Variants in KCTD14 observed in about 807,000 individuals in gnomAD.
KCTD14 encodes BTB/POZ domain-containing protein KCTD14.
KCTD14 carries 7 observed loss-of-function variants against 5.9 expected under a neutral mutation model. The observed-to-expected ratio is 1.19, with a 90% CI of 0.68 to 2.23. The LOEUF is 2.23. Ranked by LOEUF, KCTD14 falls within the 30% of genes most tolerant of loss-of-function variation. The pLI, the probability that KCTD14 is intolerant of heterozygous loss-of-function variation, is 0.00. For synonymous variants in KCTD14, 140 were observed against 133.1 expected (o/e 1.05, Z -0.36); for missense variants, 342 against 332.2 (o/e 1.03, Z -0.23).
chr11:78,018,072 G>C (rs958701077), intron 1 of KCTD14, among the ~76,000 whole-genome samples: 1 of 152,120 alleles, frequency 6.6e-6, no homozygotes, highest in African/African-American at 2.4e-5. Context: ...ACTCCAGCCT[G>C]GGTGACAGAG....
chr11:78,044,529 C>T (rs1858080163), intron 1 of KCTD14, among the ~76,000 whole-genome samples: 1 of 152,112 alleles, frequency 6.6e-6, no homozygotes, highest in Admixed American at 6.5e-5. Context: ...TTCACTGAGA[C>T]CACGCAGCAT....
At chr11:78,024,426 AC>A (rs1359611738), upstream of KCTD14, among the ~76,000 whole-genome samples, 2 of 54,932 alleles carry the variant, frequency 3.6e-5, no homozygotes, top group African/African-American at 9.4e-5. Flanking sequence ...ACACACACAC[AC>A]ACACACACAC....
At chr11:78,043,911 T>G (rs780882479) in intron 1 of KCTD14, among the ~76,000 whole-genome samples, 7 of 152,120 alleles carry the variant, frequency 4.6e-5, no homozygotes, top group Non-Finnish European at 8.8e-5. Flanking sequence ...ATGAAGACTT[T>G]CCAGTAGGCT....
chr11:78,020,520 T>C (rs1251805729), intron 1 of KCTD14, among the ~76,000 whole-genome samples: 1 of 152,234 alleles, frequency 6.6e-6, no homozygotes, highest in East Asian at 1.9e-4. Flanking sequence ...CTCTGATTCT[T>C]TCTCCCATAA....
chr11:78,037,247 G>A (rs764083442), intron 2 of KCTD14, among the ~76,000 whole-genome samples: 2 of 152,202 alleles, frequency 1.3e-5, no homozygotes, highest in Non-Finnish European at 2.9e-5. Context: ...CAGACCTCGT[G>A]GGCACACGCC....
At position 78,016,865 on chromosome 11, in the gene KCTD14, A is replaced by C; in HGVS notation, c.496T>G (p.Ser166Ala). ...ARAEAITARK[S>A]SVLVCLVETE... is the part of the protein sequence containing the mutation. ...TCCACCAGGCACACAAGCACGCTGG[A>C]CTTCCGTGCTGTTATGGCTTCTGCA... is the stretch of plus-strand genomic sequence containing the variant. The change falls in exon 2 of 2, where the codon TCC becomes GCC. Residue 166 changes from serine to alanine, a missense_variant. Physicochemically the swap from Ser to Ala is moderately conservative, Grantham distance 99. Transcript: ENST00000353172. 2 of 1,614,174 alleles carry C rather than the reference A, an allele frequency of 1.2e-6. No homozygotes were observed. Among genetic ancestry groups the C allele is most frequent in the Non-Finnish European group, 1.7e-6 (2 of 1,180,016 alleles).
upstream of KCTD14, among the ~76,000 whole-genome samples, chr11:78,026,758 G>T (rs533764640): frequency 1.3e-5 from 2 of 152,236 alleles, no homozygotes; most frequent in South Asian, 4.2e-4. Flanking sequence ...AGTGGAATGA[G>T]ATCCTGTCTC....
upstream of KCTD14, among the ~76,000 whole-genome samples, chr11:78,027,462 A>G (rs1565312867): frequency 6.6e-6 from 1 of 151,792 alleles, no homozygotes; most frequent in South Asian, 2.1e-4. Context: ...TCCCAAGTTC[A>G]AGCAATTCTC....
intron 2 of KCTD14, among the ~76,000 whole-genome samples, chr11:78,037,345 C>T (rs930510749): frequency 2.0e-5 from 3 of 152,222 alleles, no homozygotes; most frequent in African/African-American, 7.2e-5. Flanking sequence ...TCCACAAACA[C>T]TGTTTCTGGG....
chr11:78,019,995 C>G (rs1457069741), intron 1 of KCTD14, among the ~76,000 whole-genome samples: 1 of 152,180 alleles, frequency 6.6e-6, no homozygotes, highest in Admixed American at 6.5e-5. Context: ...GTATGTTGGG[C>G]CTATTACATG....
chr11:78,025,920 T>C (rs142599335), upstream of KCTD14, among the ~76,000 whole-genome samples: 4 of 152,310 alleles, frequency 2.6e-5, no homozygotes, highest in African/African-American at 9.6e-5. Flanking sequence ...AACTGATCAA[T>C]ACTACTCCAG....
At chr11:78,039,419 C>G (rs1304718644) in intron 1 of KCTD14, among the ~76,000 whole-genome samples, 2 of 151,828 alleles carry the variant, frequency 1.3e-5, no homozygotes, top group African/African-American at 4.8e-5. Context: ...ATCCCAGCTA[C>G]TCAGGAGGCT....
At chr11:78,030,173 C>G (rs889810425) in intron 2 of KCTD14, among the ~76,000 whole-genome samples, 2 of 152,070 alleles carry the variant, frequency 1.3e-5, no homozygotes, top group African/African-American at 4.8e-5. Context: ...TTTTTTCCCC[C>G]CCTCCAATTG....
At chr11:78,043,791 C>T (rs1281515378) in intron 1 of KCTD14, among the ~76,000 whole-genome samples, 1 of 152,232 alleles carries the variant, frequency 6.6e-6, no homozygotes, top group Non-Finnish European at 1.5e-5. Flanking sequence ...ACTCAGGGAA[C>T]TGATGGCAGC....
At chr11:78,027,537 A>G (rs1857501194), upstream of KCTD14, among the ~76,000 whole-genome samples, 1 of 151,944 alleles carries the variant, frequency 6.6e-6, no homozygotes, top group Non-Finnish European at 1.5e-5. Flanking sequence ...TAATTTTTGT[A>G]TTTTTAGTAG....
chr11:78,034,516 G>C (rs1857732157), intron 2 of KCTD14, among the ~76,000 whole-genome samples: 2 of 151,566 alleles, frequency 1.3e-5, no homozygotes. Flanking sequence ...CAAACACTCT[G>C]TATGGGTGTT....
chr11:78,017,923 C>T (rs1857214475), intron 1 of KCTD14, among the ~76,000 whole-genome samples: 1 of 151,724 alleles, frequency 6.6e-6, no homozygotes, highest in African/African-American at 2.4e-5. Context: ...TTGGCAAAAC[C>T]CTGTTTCTAC....
At chr11:78,029,775 CT>C (rs372341755) in intron 2 of KCTD14, among the ~76,000 whole-genome samples, 27,289 of 131,166 alleles carry the variant, frequency 0.21, 2,622 homozygotes, top group Middle Eastern at 0.26. Flanking sequence ...TCAGACAAGA[CT>C]TTTTTTTTTT....
At chr11:78,036,222 A>G (rs1386964709) in intron 2 of KCTD14, among the ~76,000 whole-genome samples, 2 of 152,182 alleles carry the variant, frequency 1.3e-5, no homozygotes, top group African/African-American at 4.8e-5. Context: ...AGAGCTATCT[A>G]TGTTCTGCCT....
Sources: gnomAD v4.1 joint callset for allele counts (sites outside exome capture counted in the v4.1 genomes callset) on GRCh38, gnomAD v4.1.1 for gene constraint, MANE v1.5 for transcripts, NCBI Gene and HGNC (gene_info 2026-07-23, HGNC 2026-07-21) for gene names.